Variants in TAMM41 observed in about 807,000 individuals in gnomAD.
TAMM41 encodes phosphatidate cytidylyltransferase, mitochondrial.
TAMM41 carries 36 observed loss-of-function variants against 44.1 expected under a neutral mutation model. The observed-to-expected ratio is 0.82, with a 90% CI of 0.63 to 1.08. The LOEUF (loss-of-function observed/expected upper bound fraction) is 1.08, where lower values mean the gene tolerates loss of function less well. Among genes scored for constraint, TAMM41 ranks in the 50% least tolerant of loss-of-function variants. TAMM41 has a pLI of 0.00. For synonymous variants in TAMM41, 164 were observed against 153.1 expected (o/e 1.07, Z -0.53); for missense variants, 417 against 404.3 (o/e 1.03, Z -0.27).
chr3:11,844,293 T>A (rs2079576624), intron 1 of TAMM41, 82 bp from the exon 2 acceptor site: 3 of 1,332,868 alleles, frequency 2.3e-6, no homozygotes, highest in East Asian at 2.4e-5. Flanking sequence ...TCTAACATAC[T>A]ACGCAATTAT....
chr3:11,767,875 G>A, the TAMM41 span, among the ~76,000 whole-genome samples: 8 of 149,542 alleles, frequency 5.3e-5, 1 homozygote, highest in Non-Finnish European at 1.0e-4. Flanking sequence ...CGCCCGCCTC[G>A]GCCTCCCAAA....
chr3:11,846,092 G>A (rs1320360417), intron 1 of TAMM41, among the ~76,000 whole-genome samples: 1 of 152,234 alleles, frequency 6.6e-6, no homozygotes, highest in African/African-American at 2.4e-5. Context: ...AATTCCTGAA[G>A]CCCAGGCCTC....
At chr3:11,813,113 C>A (rs1275802789) in intron 5 of TAMM41, among the ~76,000 whole-genome samples, 1 of 152,108 alleles carries the variant, frequency 6.6e-6, no homozygotes, top group Non-Finnish European at 1.5e-5. Context: ...AGCCCTTTTC[C>A]CTTGTTCAGT....
rs534915647 is a variant in TAMM41 at position 11,816,241 on chromosome 3, G to A, written c.708+951C>T. Reference sequence around the variant, plus strand: ...GGAAAAAAAAAAAAACCTTTGGCCCGGCCTGGTTTTTATTTTCAAACAAAC... The same window carrying A: ...GGAAAAAAAAAAAAACCTTTGGCCCAGCCTGGTTTTTATTTTCAAACAAAC... On this transcript the variant is annotated intron_variant, in intron 5 of 7. Transcript: ENST00000455809. Among the ~76,000 whole-genome samples the A allele has an allele frequency of 1.8e-4, 27 of 150,318 alleles. 1 individual carries two copies. The Middle Eastern group carries it at 0.024, about 136-fold the overall frequency.
At chr3:11,795,966 C>T (rs1388489879) in intron 7 of TAMM41, among the ~76,000 whole-genome samples, 2 of 152,166 alleles carry the variant, frequency 1.3e-5, no homozygotes, top group African/African-American at 4.8e-5. Context: ...ATTCTACTAG[C>T]AGCACAGTCT....
At chr3:11,829,329 C>T (rs1404297930) in intron 4 of TAMM41, among the ~76,000 whole-genome samples, 1 of 152,094 alleles carries the variant, frequency 6.6e-6, no homozygotes, top group African/African-American at 2.4e-5. Context: ...CCTAGTTGTT[C>T]AGACACAGGC....
At chr3:11,821,079 A>G (rs1223482769) in intron 4 of TAMM41, among the ~76,000 whole-genome samples, 1 of 152,170 alleles carries the variant, frequency 6.6e-6, no homozygotes, top group African/African-American at 2.4e-5. Flanking sequence ...CTAACCTTAC[A>G]AAGTTGCTTT....
At chr3:11,814,036 G>T (rs190847624) in intron 5 of TAMM41, among the ~76,000 whole-genome samples, 97 of 150,860 alleles carry the variant, frequency 6.4e-4, no homozygotes, top group African/African-American at 2.3e-3. Flanking sequence ...AAATCAGCTG[G>T]GCATAGTGGC....
chr3:11,742,175 A>C, the TAMM41 span, among the ~76,000 whole-genome samples: 1 of 150,032 alleles, frequency 6.7e-6, no homozygotes, highest in Non-Finnish European at 1.5e-5. Context: ...GACTCAGAAC[A>C]TTTCCATCAC....
intron 4 of TAMM41, 142 bp downstream of exon 4, chr3:11,829,572 G>A: frequency 3.7e-6 from 3 of 811,290 alleles, no homozygotes; most frequent in Non-Finnish European, 5.6e-6. Flanking sequence ...CAAATCACGA[G>A]GTTAGTGCAG....
At chr3:11,840,619 A>G (rs1264228000) in intron 2 of TAMM41, among the ~76,000 whole-genome samples, 2 of 151,910 alleles carry the variant, frequency 1.3e-5, no homozygotes, top group Non-Finnish European at 2.9e-5. Flanking sequence ...CCAGGCAATT[A>G]CAAGGTGACC....
chr3:11,830,424 T>C (rs1857961), intron 3 of TAMM41, among the ~76,000 whole-genome samples: 59,096 of 151,928 alleles, frequency 0.39, 11,997 homozygotes, highest in Admixed American at 0.48. Flanking sequence ...CTATGTGAGT[T>C]TGGGCAAATG....
At chr3:11,801,481 T>C (rs911525402) in intron 7 of TAMM41, among the ~76,000 whole-genome samples, 1 of 152,032 alleles carries the variant, frequency 6.6e-6, no homozygotes, top group Non-Finnish European at 1.5e-5. Context: ...CATACCACCA[T>C]GCACAGCTGC....
At chr3:11,731,310 C>G in the TAMM41 span, among the ~76,000 whole-genome samples, 1 of 151,814 alleles carries the variant, frequency 6.6e-6, no homozygotes, top group Non-Finnish European at 1.5e-5. Context: ...AGACATCATC[C>G]TCTTTCCAGG....
chr3:11,790,337 G>C, downstream of TAMM41: 2 of 665,416 alleles, frequency 3.0e-6, no homozygotes, highest in Non-Finnish European at 5.3e-6. Context: ...TAATATATTT[G>C]GGTCCCAACT....
chr3:11,835,471 A>T lies in TAMM41; in HGVS notation c.411+3751T>A, dbSNP rs369104011. On this transcript the variant is annotated intron_variant, in intron 3 of 7. Transcript: ENST00000455809. The stretch of plus-strand genomic sequence containing the variant: ...GCTATCAGTAACATTTTCTTCTCCA[A>T]GTCAGCTGAGAAATGCAGAGTTTTG... Among the ~76,000 whole-genome samples, 6 of 152,332 alleles carry T rather than the reference A, an allele frequency of 3.9e-5. No individual in the cohort carries two copies. In the South Asian group the frequency reaches 6.2e-4, roughly 16 times the overall value.
the TAMM41 span, among the ~76,000 whole-genome samples, chr3:11,750,183 A>C: frequency 6.6e-6 from 1 of 152,148 alleles, no homozygotes; most frequent in Non-Finnish European, 1.5e-5. Flanking sequence ...GGCGTGAGCC[A>C]CTGTGCCCAG....
intron 7 of TAMM41, among the ~76,000 whole-genome samples, chr3:11,793,167 G>T (rs1389939334): frequency 6.6e-6 from 1 of 151,406 alleles, no homozygotes; most frequent in African/African-American, 2.4e-5. Context: ...ACTACAGAGA[G>T]AATTCAGTAA....
chr3:11,833,205 G>T, intron 3 of TAMM41: 1 of 1,254,698 alleles, frequency 8.0e-7, no homozygotes, highest in Non-Finnish European at 1.0e-6. Flanking sequence ...TATCTTACTG[G>T]GAATGCCCCG....
Sources: allele counts gnomAD v4.1 joint callset (sites outside exome capture counted in the v4.1 genomes callset), GRCh38; gene constraint gnomAD v4.1.1; transcripts MANE v1.5; gene names NCBI Gene and HGNC (gene_info 2026-07-23, HGNC 2026-07-21).